Variants in NTNG1 observed in about 807,000 individuals in gnomAD.
NTNG1 encodes the protein netrin-G1.
NTNG1 carries 16 observed loss-of-function variants against 54.0 expected under a neutral mutation model. The ratio of observed to expected loss-of-function variants is 0.30; its 90% CI spans 0.20 to 0.45. The LOEUF (loss-of-function observed/expected upper bound fraction) is 0.45. NTNG1 is among the 20% of genes least tolerant of loss of function. NTNG1 has a pLI of 1.00. For synonymous variants in NTNG1, 255 were observed against 263.1 expected (o/e 0.97, Z 0.30); for missense variants, 530 against 678.7 (o/e 0.78, Z 2.43).
At chr1:107,337,891 A>G (rs779534466) in intron 3 of NTNG1, among the ~76,000 whole-genome samples, 15 of 152,060 alleles carry the variant, frequency 9.9e-5, no homozygotes, top group Non-Finnish European at 2.1e-4. Context: ...TTAGAGAAAG[A>G]ATTTGGCCAG....
intron 2 of NTNG1, among the ~76,000 whole-genome samples, chr1:107,269,945 C>T (rs1475603532): frequency 6.6e-6 from 1 of 152,202 alleles, no homozygotes; most frequent in Non-Finnish European, 1.5e-5. Flanking sequence ...TTGCTTTTAG[C>T]ATAGCTGGCT....
chr1:107,170,233 G>A (rs1252682558), intron 2 of NTNG1, among the ~76,000 whole-genome samples: 2 of 152,124 alleles, frequency 1.3e-5, no homozygotes, highest in East Asian at 1.9e-4. Flanking sequence ...TATTGATTAA[G>A]GCTTCTTACG....
intron 7 of NTNG1, among the ~76,000 whole-genome samples, chr1:107,466,291 G>A (rs914964477): frequency 6.6e-6 from 1 of 152,168 alleles, no homozygotes; most frequent in African/African-American, 2.4e-5. Flanking sequence ...CAGTTGAGAA[G>A]CTATTTCAGA....
At chr1:107,213,026 C>T (rs1231673554) in intron 2 of NTNG1, among the ~76,000 whole-genome samples, 2 of 151,170 alleles carry the variant, frequency 1.3e-5, no homozygotes, top group Admixed American at 6.6e-5. Context: ...GATTTATAGT[C>T]GAACATATCC....
At chr1:107,305,941 A>C (rs4540682) in intron 2 of NTNG1, among the ~76,000 whole-genome samples, 147,062 of 152,242 alleles carry the variant, frequency 0.97, 71,219 homozygotes, top group East Asian at 1. Flanking sequence ...AATTTACTTA[A>C]CTATTTATTT....
intron 2 of NTNG1, among the ~76,000 whole-genome samples, chr1:107,196,916 A>G (rs1324940882): frequency 1.3e-5 from 2 of 151,920 alleles, no homozygotes; most frequent in Non-Finnish European, 2.9e-5. Context: ...CTAAGAGCCT[A>G]TGAAAACCTT....
chr1:107,450,575 C>T (rs1449354477), intron 7 of NTNG1, among the ~76,000 whole-genome samples: 1 of 151,898 alleles, frequency 6.6e-6, no homozygotes, highest in African/African-American at 2.4e-5. Flanking sequence ...ATCATGGCTC[C>T]TTCCCGGAAA....
chr1:107,317,902 T>C (rs1667427058), intron 2 of NTNG1, among the ~76,000 whole-genome samples: 1 of 152,150 alleles, frequency 6.6e-6, no homozygotes, highest in Non-Finnish European at 1.5e-5. Context: ...AACTCCAGAG[T>C]TATACAAAAA....
At position 107,176,836 on chromosome 1, in the gene NTNG1, C is replaced by T. The variant is rs140873928; in HGVS notation, c.246+27997C>T. 8.8e-3 allele frequency among the ~76,000 whole-genome samples: 1,332 copies of T among 152,150 alleles called. 21 individuals carry two copies. The highest frequency in any genetic ancestry group is 0.05 in the Admixed American group (765 of 15,280). Reference sequence around the variant, plus strand: ...TTTATCTCTCATATAAACAAATATACGTAGTCTAAAGCAAGGTTTCTCACA... The same window carrying T: ...TTTATCTCTCATATAAACAAATATATGTAGTCTAAAGCAAGGTTTCTCACA... On this transcript the variant is annotated intron_variant, in intron 2 of 7. Transcript: ENST00000370068.
At chr1:107,256,049 T>A (rs1022300358) in intron 2 of NTNG1, among the ~76,000 whole-genome samples, 1 of 152,240 alleles carries the variant, frequency 6.6e-6, no homozygotes, top group African/African-American at 2.4e-5. Flanking sequence ...GATTTTAAGT[T>A]AATGAAACTA....
At chr1:107,155,464 T>C (rs1025757479) in intron 2 of NTNG1, among the ~76,000 whole-genome samples, 11 of 152,184 alleles carry the variant, frequency 7.2e-5, no homozygotes, top group Non-Finnish European at 1.5e-4. Context: ...TGTATAGATC[T>C]CTATATCTAG....
intron 5 of NTNG1, chr1:107,418,531 G>A (rs1435643275): frequency 9.8e-6 from 13 of 1,327,026 alleles, no homozygotes; most frequent in Admixed American, 6.5e-5. Context: ...TAGACCAAAT[G>A]ACATTATAGC....
At chr1:107,197,776 G>A (rs1187295997) in intron 2 of NTNG1, among the ~76,000 whole-genome samples, 2 of 151,918 alleles carry the variant, frequency 1.3e-5, no homozygotes, top group Non-Finnish European at 2.9e-5. Flanking sequence ...GTGGCACCTT[G>A]CCCAGGATCA....
At chr1:107,257,013 G>A (rs1005634871) in intron 2 of NTNG1, among the ~76,000 whole-genome samples, 2 of 151,886 alleles carry the variant, frequency 1.3e-5, no homozygotes, top group African/African-American at 4.8e-5. Context: ...TTTTCTTTCT[G>A]GTCTGAATCT....
intron 2 of NTNG1, 143 bp from the exon 3 acceptor site, chr1:107,324,139 G>T: frequency 1.4e-6 from 1 of 712,390 alleles, no homozygotes; most frequent in Non-Finnish European, 2.4e-6. Context: ...TTAAAGAGGA[G>T]AATCCAGTTA....
At chr1:107,216,295 G>C (rs1282305289) in intron 2 of NTNG1, among the ~76,000 whole-genome samples, 1 of 152,116 alleles carries the variant, frequency 6.6e-6, no homozygotes, top group African/African-American at 2.4e-5. Context: ...GTCATAGATG[G>C]CTTTTATTAC....
chr1:107,386,097 A>ATG (rs1671955967), intron 3 of NTNG1, among the ~76,000 whole-genome samples: 1 of 146,590 alleles, frequency 6.8e-6, no homozygotes, highest in East Asian at 2.0e-4. Context: ...ATATGTATGT[A>ATG]TATATATATA....
chr1:107,246,105 A>G (rs1046036949), intron 2 of NTNG1, among the ~76,000 whole-genome samples: 14 of 152,066 alleles, frequency 9.2e-5, no homozygotes, highest in Admixed American at 1.3e-4. Flanking sequence ...AGGCTGGAGT[A>G]CAGTGGTGTG....
chr1:107,471,850 T>C (rs1677999409), intron 7 of NTNG1, among the ~76,000 whole-genome samples: 5 of 152,190 alleles, frequency 3.3e-5, no homozygotes, highest in Admixed American at 3.3e-4. Context: ...AGATAGGAAT[T>C]AGCACCTCAT....
Sources: allele counts gnomAD v4.1 joint callset (sites outside exome capture counted in the v4.1 genomes callset), GRCh38; gene constraint gnomAD v4.1.1; transcripts MANE v1.5; gene names NCBI Gene and HGNC (gene_info 2026-07-23, HGNC 2026-07-21).